PARP2: variants seen among roughly 807,000 people sequenced by gnomAD.
The protein encoded by PARP2 is poly [ADP-ribose] polymerase 2.
In PARP2, 57 loss-of-function variants were observed where a neutral mutation model predicts 77.8. The observed-to-expected ratio is 0.73, with a 90% CI of 0.59 to 0.91. The LOEUF (loss-of-function observed/expected upper bound fraction) is 0.91. PARP2 is among the 40% of genes least tolerant of loss of function. The pLI, the probability that PARP2 is intolerant of heterozygous loss-of-function variation, is 0.00. For synonymous variants in PARP2, 226 were observed against 242.6 expected, an observed-to-expected ratio of 0.93 and a Z score of 0.64; for missense variants, 651 against 689.0, an observed-to-expected ratio of 0.94 and a Z score of 0.62.
rs975373898 is a variant in PARP2 at position 20,354,683 on chromosome 14, A to G, written c.764-126A>G. 3 of 910,694 alleles carry G rather than the reference A, an allele frequency of 3.3e-6. No homozygotes were observed. The African/African-American group carries it at 5.0e-5, about 15-fold the overall frequency. 56.4% of individuals were successfully genotyped at this position (910,694 alleles called of 1,614,324 possible). On this transcript the variant is annotated intron_variant, in intron 8 of 15. Coordinates refer to ENST00000429687, the MANE Select transcript of PARP2 (RefSeq NM_001042618.2). ...GCACTCAGCCTGGGCAACAGGAGTG[A>G]GACCCCATCTTAAAAACAGGAAAAA... is the stretch of plus-strand genomic sequence containing the variant.
At chr14:20,347,356 G>GTATATA (rs774986716) in intron 4 of PARP2, among the ~76,000 whole-genome samples, 96 of 29,526 alleles carry the variant, frequency 3.3e-3, no homozygotes, top group South Asian at 5.0e-3. Context: ...ATGTGTGTGT[G>GTATATA]TATATATATA....
chr14:20,353,780 C>T (rs1024699072), intron 7 of PARP2, among the ~76,000 whole-genome samples: 1 of 152,140 alleles, frequency 6.6e-6, no homozygotes, highest in Non-Finnish European at 1.5e-5. Flanking sequence ...GCTGTCTTTA[C>T]ACACTGACGT....
At chr14:20,350,686 G>A in intron 5 of PARP2, 64 bp downstream of exon 5, 1 of 1,006,320 alleles carries the variant, frequency 9.9e-7, no homozygotes, top group Non-Finnish European at 1.6e-6. Flanking sequence ...CTTAGTGGGT[G>A]GCCAAAGGAT....
At chr14:20,345,963 T>A (rs1883704077) in intron 3 of PARP2, among the ~76,000 whole-genome samples, 1 of 152,098 alleles carries the variant, frequency 6.6e-6, no homozygotes. Flanking sequence ...CTTGTGTGAA[T>A]TCACTCACTA....
intron 8 of PARP2, 106 bp from the exon 9 acceptor site, chr14:20,354,703 G>GA (rs35609110): frequency 0.012 from 12,081 of 1,028,356 alleles, no homozygotes; most frequent in Non-Finnish European, 0.013. Flanking sequence ...TTAAAAACAG[G>GA]AAAAAAAAAA....
At chr14:20,346,830 T>C in intron 3 of PARP2, 33 bp from the exon 4 acceptor site, 1 of 1,459,210 alleles carries the variant, frequency 6.9e-7, no homozygotes, top group Non-Finnish European at 9.6e-7. Flanking sequence ...GAACCTATAC[T>C]AATGTTGATT....
intron 4 of PARP2, among the ~76,000 whole-genome samples, chr14:20,347,346 A>G (rs8020492): frequency 0.075 from 4,622 of 61,890 alleles, 304 homozygotes; most frequent in African/African-American, 0.25. Flanking sequence ...AGTCCTTCAT[A>G]TGTGTGTGTG....
rs747255217 is a variant in PARP2 at position 20,352,280 on chromosome 14, G to A, written c.533G>A (p.Arg178Gln). The part of the protein sequence containing the change: ...LDKTKNNWED[R>Q]EKFEKVPGKY... Reference sequence around the variant, plus strand: ...AAAACGAAAAACAATTGGGAAGATCGAGAAAAGTTTGAGAAGGTGCCTGGA... The same window carrying A: ...AAAACGAAAAACAATTGGGAAGATCAAGAAAAGTTTGAGAAGGTGCCTGGA... The change falls in exon 7 of 16, where the codon CGA becomes CAA. Residue 178 changes from arginine to glutamine, a missense_variant. Coordinates refer to ENST00000429687, the MANE Select transcript of PARP2 (RefSeq NM_001042618.2). 3.2e-5 allele frequency: 51 copies of A among 1,613,270 alleles called. No homozygotes were observed. Among genetic ancestry groups the A allele is most frequent in the Non-Finnish European group, 4.2e-5 (49 of 1,179,268 alleles).
At chr14:20,356,519 T>A in intron 12 of PARP2, 71 bp from the exon 13 acceptor site, 2 of 1,603,448 alleles carry the variant, frequency 1.2e-6, no homozygotes, top group African/African-American at 2.7e-5. Flanking sequence ...CAGAGGAAGG[T>A]GTTGGCTTTT....
chr14:20,353,631 G>A (rs1884038989), intron 7 of PARP2, among the ~76,000 whole-genome samples: 3 of 152,112 alleles, frequency 2.0e-5, no homozygotes. Context: ...TTCACTTCTG[G>A]ATATATACCA....
rs367835879 is a variant in PARP2, at chr14:20,357,001, C to G, written c.1330-50C>G. The G allele has an allele frequency of 2.6e-6, 3 of 1,176,420 alleles. No homozygotes were observed. In the African/African-American group the frequency reaches 4.5e-5, roughly 18 times the overall value. The allele number at this position is 1,176,420 out of a possible 1,614,324, so 72.9% of individuals were successfully genotyped here. ...AGGGTCAGTGGTATGCACCTTCTCT[C>G]TAACACAGTGGGTTAGAAGCTGACC... On this transcript the variant is annotated intron_variant, in intron 13 of 15. Coordinates refer to ENST00000429687, the MANE Select transcript of PARP2 (RefSeq NM_001042618.2).
rs769831926 is a variant in PARP2, at chr14:20,356,575, T to C, written c.1230-15T>C. 48 of 1,611,188 alleles carry C rather than the reference T, an allele frequency of 3.0e-5. No individual in the cohort carries two copies. In the South Asian group the frequency reaches 3.7e-4, roughly 13 times the overall value. On this transcript the variant is annotated splice_polypyrimidine_tract_variant and intron_variant, in intron 12 of 15. Coordinates refer to ENST00000429687, the MANE Select transcript of PARP2 (RefSeq NM_001042618.2). ...TGCAGAACAACAGAGTACAATAATA[T>C]TGGCTTTTCCTTAGGATGCTTCTAT...
chr14:20,349,058 G>C (rs1432249035), intron 4 of PARP2, among the ~76,000 whole-genome samples: 1 of 151,946 alleles, frequency 6.6e-6, no homozygotes, highest in East Asian at 1.9e-4. Context: ...CCTTAAGGCA[G>C]CCAGGTGTGG....
At chr14:20,345,535 G>A (rs574269569) in intron 3 of PARP2, 71 bp downstream of exon 3, 170 of 1,121,482 alleles carry the variant, frequency 1.5e-4, no homozygotes, top group Non-Finnish European at 2.1e-4. Context: ...AAGGACTCCT[G>A]TCTGGGATGC....
rs773715041 is a variant in PARP2 at position 20,355,776 on chromosome 14, G to A, written c.927G>A (p.Arg309=). 30 of 1,613,644 alleles carry A rather than the reference G, an allele frequency of 1.9e-5. No homozygotes were observed. The highest frequency in any genetic ancestry group is 2.4e-5 in the Non-Finnish European group (28 of 1,179,718). ...GACTCCGTACTCCTCCACTAATCCGGACACAGAAGGAACTGTCAGAAAAAA... is the reference window on the plus strand; with the variant it reads ...GACTCCGTACTCCTCCACTAATCCGAACACAGAAGGAACTGTCAGAAAAAA... The part of the protein sequence containing the change: ...DFGLRTPPLI[R]TQKELSEKIQ... The change falls in exon 10 of 16, where the codon CGG becomes CGA. Residue 309 remains arginine, a synonymous_variant. Transcript: ENST00000429687.
intron 7 of PARP2, chr14:20,352,558 C>CTTTTTTTTTTTTTTT (rs374239476): frequency 1.9e-5 from 4 of 215,632 alleles, no homozygotes; most frequent in Admixed American, 7.2e-5. Context: ...GATTTTTTTT[C>CTTTTTTTTTTTTTTT]TTTTTTTTTT....
chr14:20,348,832 C>G (rs1883859841), intron 4 of PARP2, among the ~76,000 whole-genome samples: 1 of 151,826 alleles, frequency 6.6e-6, no homozygotes, highest in Non-Finnish European at 1.5e-5. Context: ...CCAGCCTGAC[C>G]AATGTGGAGA....
intron 2 of PARP2, 134 bp downstream of exon 2, chr14:20,345,221 C>A: frequency 1.9e-6 from 2 of 1,078,786 alleles, no homozygotes; most frequent in Non-Finnish European, 2.8e-6. Context: ...TTGGGCATAC[C>A]ACAGCACTAA....
In PARP2 at chr14:20,357,106, T is replaced by G. The variant is rs762551959; in HGVS notation, c.1385T>G (p.Phe462Cys). 1 of 1,613,470 alleles carries G rather than the reference T, an allele frequency of 6.2e-7. No homozygotes were observed. The highest frequency in any genetic ancestry group is 8.5e-7 in the Non-Finnish European group (1 of 1,179,392). Residue 462 changes from phenylalanine to cysteine, a missense_variant, in exon 14 of 16, where the codon TTT becomes TGT. By Grantham distance (205) the Phe-to-Cys change is radical. Coordinates refer to ENST00000429687, the MANE Select transcript of PARP2 (RefSeq NM_001042618.2). ...DMSSKSANYC[F>C]ASRLKNTGLL... ...TCTTCCAAGAGTGCCAATTACTGCTTTGCCTCTCGCCTAAAGAATACAGGA... is the reference window on the plus strand; with the variant it reads ...TCTTCCAAGAGTGCCAATTACTGCTGTGCCTCTCGCCTAAAGAATACAGGA...
Sources: allele counts gnomAD v4.1 joint callset (sites outside exome capture counted in the v4.1 genomes callset), GRCh38; gene constraint gnomAD v4.1.1; transcripts MANE v1.5; gene names NCBI Gene and HGNC (gene_info 2026-07-23, HGNC 2026-07-21).